CELF4: variants seen among roughly 807,000 people sequenced by gnomAD.
The protein encoded by CELF4 is CUGBP Elav-like family member 4.
In CELF4, 18 loss-of-function variants were observed where a neutral mutation model predicts 59.9. That is an observed-to-expected ratio of 0.30 (90% CI 0.21 to 0.45). CELF4 has a LOEUF of 0.45. CELF4 is among the 20% of genes least tolerant of loss of function. CELF4 has a pLI of 1.00. For synonymous variants in CELF4, 261 were observed against 267.1 expected, an observed-to-expected ratio of 0.98 and a Z score of 0.22; for missense variants, 456 against 689.0, an observed-to-expected ratio of 0.66 and a Z score of 3.79.
At chr18:37,275,031 C>T in intron 4 of CELF4, 84 bp downstream of exon 4, 3 of 1,555,640 alleles carry the variant, frequency 1.9e-6, no homozygotes, top group Non-Finnish European at 1.8e-6. Flanking sequence ...ACGGCGATGG[C>T]CCCGGAGACT....
chr18:37,262,939 G>A (rs1239560668), intron 10 of CELF4, among the ~76,000 whole-genome samples: 1 of 152,204 alleles, frequency 6.6e-6, no homozygotes, highest in Non-Finnish European at 1.5e-5. Flanking sequence ...ACCCCTCTGG[G>A]TTCCTGTAAC....
chr18:37,319,404 G>A (rs1323184511), intron 3 of CELF4, among the ~76,000 whole-genome samples: 1 of 152,230 alleles, frequency 6.6e-6, no homozygotes, highest in Non-Finnish European at 1.5e-5. Context: ...TTGGTGTGAG[G>A]AGGTGCGTCT....
rs183129792 is a variant in CELF4 at position 37,495,587 on chromosome 18, T to G, written c.287-9980A>C. ...CTTGGTTGTGTGTGTGTCTTATACCTGCACAGCGAGCTCAGCAAATACTTG... is the reference window on the plus strand; with the variant it reads ...CTTGGTTGTGTGTGTGTCTTATACCGGCACAGCGAGCTCAGCAAATACTTG... On this transcript the variant is annotated intron_variant, in intron 1 of 12. Coordinates refer to ENST00000420428, the MANE Select transcript of CELF4 (RefSeq NM_020180.4). Among the ~76,000 whole-genome samples, 7 of 152,254 alleles carry G rather than the reference T, an allele frequency of 4.6e-5. No individual in the cohort carries two copies. In the East Asian group the frequency reaches 1.2e-3, roughly 25 times the overall value.
chr18:37,282,219 C>G (rs1373928652), intron 3 of CELF4, among the ~76,000 whole-genome samples: 1 of 152,104 alleles, frequency 6.6e-6, no homozygotes, highest in Admixed American at 6.5e-5. Flanking sequence ...CACTCCCACC[C>G]CTGGGAGTGT....
intron 1 of CELF4, among the ~76,000 whole-genome samples, chr18:37,537,207 T>G (rs1042587120): frequency 1.3e-5 from 2 of 152,240 alleles, no homozygotes; most frequent in African/African-American, 4.8e-5. Context: ...GACTTTCATT[T>G]GAATCTCCAA....
chr18:37,357,282 T>C (rs961730717), intron 2 of CELF4, among the ~76,000 whole-genome samples: 1 of 152,154 alleles, frequency 6.6e-6, no homozygotes, highest in Non-Finnish European at 1.5e-5. Context: ...CCACCCTGCA[T>C]CCTAGCTGCT....
intron 1 of CELF4, among the ~76,000 whole-genome samples, chr18:37,545,925 G>A (rs1480009992): frequency 6.6e-6 from 1 of 152,160 alleles, no homozygotes; most frequent in Non-Finnish European, 1.5e-5. Context: ...AGAAAGTGGC[G>A]AGGTCTCTGG....
intron 1 of CELF4, among the ~76,000 whole-genome samples, chr18:37,494,326 G>A (rs2099922443): frequency 6.6e-6 from 1 of 152,212 alleles, no homozygotes; most frequent in Non-Finnish European, 1.5e-5. Context: ...TCCATCTATG[G>A]TCAGGGCTGA....
chr18:37,298,017 GTCC>G (rs367616386), intron 3 of CELF4, among the ~76,000 whole-genome samples: 202 of 152,338 alleles, frequency 1.3e-3, no homozygotes, highest in African/African-American at 4.5e-3. Flanking sequence ...ACTATTAACT[GTCC>G]TCCTTCTGTG....
chr18:37,264,846 A>G, intron 9 of CELF4, 89 bp from the exon 10 acceptor site: 3 of 1,169,474 alleles, frequency 2.6e-6, no homozygotes, highest in Non-Finnish European at 3.7e-6. Flanking sequence ...CAGGCAGTAA[A>G]AGCAGATCAG....
chr18:37,529,427 C>T (rs1260580941), intron 1 of CELF4, among the ~76,000 whole-genome samples: 1 of 152,192 alleles, frequency 6.6e-6, no homozygotes, highest in Non-Finnish European at 1.5e-5. Flanking sequence ...TCTGGCGCGA[C>T]GTAGCATACC....
intron 2 of CELF4, among the ~76,000 whole-genome samples, chr18:37,397,283 G>C (rs1347019500): frequency 1.6e-5 from 1 of 62,018 alleles, no homozygotes; most frequent in Non-Finnish European, 3.2e-5. Flanking sequence ...CATGCACAGG[G>C]CATCTTGGCA....
chr18:37,528,267 A>G (rs945237303), intron 1 of CELF4, among the ~76,000 whole-genome samples: 1 of 152,252 alleles, frequency 6.6e-6, no homozygotes, highest in Non-Finnish European at 1.5e-5. Context: ...GGAGCCAAAT[A>G]TCAATCAAAA....
At chr18:37,546,101 G>A (rs754260511) in intron 1 of CELF4, among the ~76,000 whole-genome samples, 1 of 152,082 alleles carries the variant, frequency 6.6e-6, no homozygotes, top group Non-Finnish European at 1.5e-5. Flanking sequence ...AACTGCAGGC[G>A]TGCCCACCCA....
intron 3 of CELF4, among the ~76,000 whole-genome samples, chr18:37,308,586 C>T (rs2096533210): frequency 6.6e-6 from 1 of 152,204 alleles, no homozygotes; most frequent in Non-Finnish European, 1.5e-5. Context: ...GGCTTGAAGA[C>T]ATCTCCTCCA....
At chr18:37,432,266 T>G (rs1200962382) in intron 2 of CELF4, among the ~76,000 whole-genome samples, 1 of 152,204 alleles carries the variant, frequency 6.6e-6, no homozygotes, top group African/African-American at 2.4e-5. Flanking sequence ...CACCCGCCAA[T>G]GTGGGGGCAC....
chr18:37,539,075 C>T (rs1477916318), intron 1 of CELF4, among the ~76,000 whole-genome samples: 1 of 152,170 alleles, frequency 6.6e-6, no homozygotes, highest in South Asian at 2.1e-4. Flanking sequence ...GGGTTCTCAA[C>T]GCCCTCCCCG....
intron 2 of CELF4, among the ~76,000 whole-genome samples, chr18:37,418,284 G>T (rs1003217000): frequency 1.3e-5 from 2 of 152,174 alleles, no homozygotes; most frequent in Non-Finnish European, 2.9e-5. Flanking sequence ...TAGCATGGAG[G>T]TTTCAAACTT....
At chr18:37,483,612 G>A (rs1409565903) in intron 2 of CELF4, among the ~76,000 whole-genome samples, 1 of 152,168 alleles carries the variant, frequency 6.6e-6, no homozygotes, top group Non-Finnish European at 1.5e-5. Context: ...GGATCTCCCA[G>A]TATGAAGGAT....
Sources: allele counts gnomAD v4.1 joint callset (sites outside exome capture counted in the v4.1 genomes callset), GRCh38; gene constraint gnomAD v4.1.1; transcripts MANE v1.5; gene names NCBI Gene and HGNC (gene_info 2026-07-23, HGNC 2026-07-21).